KCNT2: variants seen among roughly 807,000 people sequenced by gnomAD.
KCNT2 encodes the protein potassium sodium-activated channel subfamily T member 2.
A neutral mutation model predicts 153.8 loss-of-function variants in KCNT2; 67 were observed. The ratio of observed to expected loss-of-function variants is 0.44; its 90% confidence interval spans 0.36 to 0.53. KCNT2 has a LOEUF of 0.53. Ranked by LOEUF, KCNT2 falls within the 20% of genes least tolerant of loss-of-function variation. KCNT2 has a pLI of 0.00. For missense variants in KCNT2, 975 were observed against 1,354.8 expected (o/e 0.72, Z 4.40); for synonymous variants, 500 against 458.8 (o/e 1.09, Z -1.15).
chr1:196,366,578 T>G (rs998024891), intron 14 of KCNT2, among the ~76,000 whole-genome samples: 1 of 152,180 alleles, frequency 6.6e-6, no homozygotes, highest in Admixed American at 6.6e-5. Flanking sequence ...TACTTTAATT[T>G]GCTCAGGTCA....
intron 12 of KCNT2, among the ~76,000 whole-genome samples, chr1:196,421,734 T>G (rs1444635629): frequency 6.6e-6 from 1 of 152,082 alleles, no homozygotes; most frequent in Non-Finnish European, 1.5e-5. Flanking sequence ...TACCACAACC[T>G]GAATGGCTTA....
At chr1:196,541,170 C>G (rs1301009080) in intron 1 of KCNT2, among the ~76,000 whole-genome samples, 1 of 151,634 alleles carries the variant, frequency 6.6e-6, no homozygotes, top group African/African-American at 2.4e-5. Context: ...CTAATTATCA[C>G]TCCAAAATTA....
intron 12 of KCNT2, chr1:196,404,103 TA>T: frequency 1.1e-6 from 1 of 943,766 alleles, no homozygotes; most frequent in Non-Finnish European, 1.3e-6. Context: ...TAATAGATAC[TA>T]AATCTTCAGC....
intron 1 of KCNT2, among the ~76,000 whole-genome samples, chr1:196,534,972 C>T (rs979045875): frequency 2.6e-5 from 4 of 152,120 alleles, no homozygotes; most frequent in South Asian, 4.1e-4. Context: ...CACCCACTTC[C>T]GTTTTCTTTA....
intron 26 of KCNT2, among the ~76,000 whole-genome samples, chr1:196,248,359 A>G (rs1459962348): frequency 3.3e-5 from 5 of 152,196 alleles, no homozygotes; most frequent in African/African-American, 1.2e-4. Context: ...CAAAAGAAAA[A>G]GTTGTTTTTT....
intron 26 of KCNT2, among the ~76,000 whole-genome samples, chr1:196,240,308 G>T (rs1218086523): frequency 6.6e-6 from 1 of 151,830 alleles, no homozygotes; most frequent in Admixed American, 6.6e-5. Flanking sequence ...TAACATCCTG[G>T]CATGAAAAAT....
intron 25 of KCNT2, among the ~76,000 whole-genome samples, chr1:196,267,219 C>T (rs1351611931): frequency 6.6e-6 from 1 of 152,184 alleles, no homozygotes; most frequent in Non-Finnish European, 1.5e-5. Context: ...CTTTGACACA[C>T]TCATTCAGGA....
chr1:196,521,979 A>G (rs1401599523), intron 1 of KCNT2, among the ~76,000 whole-genome samples: 1 of 152,076 alleles, frequency 6.6e-6, no homozygotes, highest in East Asian at 1.9e-4. Context: ...AAATTATAAA[A>G]TAAAGATGAA....
At chr1:196,547,861 A>G (rs1174556286) in intron 1 of KCNT2, among the ~76,000 whole-genome samples, 6 of 151,878 alleles carry the variant, frequency 4.0e-5, no homozygotes, top group Non-Finnish European at 8.8e-5. Context: ...AAAATTATAG[A>G]TTAGAAACAA....
chr1:196,592,333 G>A (rs1663464948), intron 1 of KCNT2, among the ~76,000 whole-genome samples: 1 of 151,594 alleles, frequency 6.6e-6, no homozygotes, highest in Admixed American at 6.6e-5. Context: ...GAAAGTAGAA[G>A]AATGTTTAAT....
At chr1:196,475,477 G>A (rs531437503) in intron 5 of KCNT2, among the ~76,000 whole-genome samples, 7 of 151,906 alleles carry the variant, frequency 4.6e-5, no homozygotes, top group South Asian at 2.1e-4. Context: ...AATATTAGCC[G>A]GGTGTGGTGG....
intron 5 of KCNT2, among the ~76,000 whole-genome samples, chr1:196,478,886 G>GA: frequency 6.6e-6 from 1 of 152,152 alleles, no homozygotes; most frequent in Non-Finnish European, 1.5e-5. Context: ...GTACAAATCA[G>GA]AAAAAAACAA....
intron 1 of KCNT2, among the ~76,000 whole-genome samples, chr1:196,549,698 T>A (rs1219376771): frequency 6.6e-6 from 1 of 151,962 alleles, no homozygotes; most frequent in Non-Finnish European, 1.5e-5. Flanking sequence ...GTGATTCTTA[T>A]AATGCACACT....
At chr1:196,509,888 C>T (rs1681472484) in intron 1 of KCNT2, among the ~76,000 whole-genome samples, 1 of 152,028 alleles carries the variant, frequency 6.6e-6, no homozygotes, top group Non-Finnish European at 1.5e-5. Flanking sequence ...TAAAAATGGG[C>T]AGGAGGACTC....
intron 17 of KCNT2, 88 bp downstream of exon 17, chr1:196,333,759 T>C (rs748052785): frequency 6.6e-6 from 5 of 757,536 alleles, no homozygotes; most frequent in Non-Finnish European, 1.1e-5. Context: ...CATTAGCTCC[T>C]TACCTATTGG....
chr1:196,432,407 A>G (rs1674244686), intron 8 of KCNT2, among the ~76,000 whole-genome samples: 1 of 152,086 alleles, frequency 6.6e-6, no homozygotes, highest in African/African-American at 2.4e-5. Context: ...GGAGAGCTGG[A>G]GATGCTAGAC....
chr1:196,461,660 G>A (rs1355507757), intron 8 of KCNT2, among the ~76,000 whole-genome samples: 1 of 151,646 alleles, frequency 6.6e-6, no homozygotes, highest in African/African-American at 2.4e-5. Flanking sequence ...TTGTTTTAGA[G>A]ACGCAGAATG....
intron 26 of KCNT2, among the ~76,000 whole-genome samples, chr1:196,252,421 A>G (rs1292708080): frequency 6.6e-6 from 1 of 151,662 alleles, no homozygotes; most frequent in African/African-American, 2.4e-5. Flanking sequence ...ATTATTTCTC[A>G]CGCTATAGAG....
intron 1 of KCNT2, among the ~76,000 whole-genome samples, chr1:196,556,635 T>C (rs1658706702): frequency 6.6e-6 from 1 of 151,438 alleles, no homozygotes; most frequent in Admixed American, 6.6e-5. Flanking sequence ...GCTGGGTATA[T>C]ACCCAAAAGA....
Sources: allele counts gnomAD v4.1 joint callset (sites outside exome capture counted in the v4.1 genomes callset), GRCh38; gene constraint gnomAD v4.1.1; transcripts MANE v1.5; gene names NCBI Gene and HGNC (gene_info 2026-07-23, HGNC 2026-07-21).